The following CD58 variants were observed in gnomAD, a reference collection of about 807,000 sequenced individuals.
CD58 encodes the protein lymphocyte function-associated antigen 3.
Under a neutral mutation model 27.6 loss-of-function variants are expected in CD58, and 14 were observed. The ratio of observed to expected loss-of-function variants is 0.51; its 90% CI spans 0.34 to 0.79. The LOEUF (loss-of-function observed/expected upper bound fraction) is 0.79, where lower values mean the gene tolerates loss of function less well. Among genes scored for constraint, CD58 ranks in the 30% least tolerant of loss-of-function variants. The pLI, the probability that CD58 is intolerant of heterozygous loss-of-function variation, is 0.02. For missense variants in CD58, 268 were observed against 301.7 expected (o/e 0.89, Z 0.83); for synonymous variants, 117 against 103.8 (o/e 1.13, Z -0.77).
At chr1:116,542,600 G>T (rs1459770010) in intron 2 of CD58, among the ~76,000 whole-genome samples, 2 of 152,222 alleles carry the variant, frequency 1.3e-5, no homozygotes, top group East Asian at 1.9e-4. Flanking sequence ...GGGATCATGA[G>T]AAAGTTTTAA....
rs1043244466 is a variant in CD58 at position 116,563,692 on chromosome 1, T to C, written c.70+7211A>G. Reference sequence around the variant, plus strand: ...GTGGTATGTTGGCCCCTTTTAGCCATGGCTGGAGCTAAAACAGCTGGCATG... The same window carrying C: ...GTGGTATGTTGGCCCCTTTTAGCCACGGCTGGAGCTAAAACAGCTGGCATG... On this transcript the variant is annotated intron_variant, in intron 1 of 5. Transcript: ENST00000369489. The surrounding 1 kb of genome is among the most constrained non-coding windows in gnomAD (Gnocchi z 4.1). 2.6e-5 allele frequency among the ~76,000 whole-genome samples: 4 copies of C among 152,194 alleles called. No individual in the cohort carries two copies. The highest frequency in any genetic ancestry group is 4.8e-5 in the African/African-American group (2 of 41,464).
At chr1:116,549,402 C>A (rs1387924958) in intron 1 of CD58, among the ~76,000 whole-genome samples, 1 of 152,112 alleles carries the variant, frequency 6.6e-6, no homozygotes, top group Admixed American at 6.5e-5. Flanking sequence ...ATTAAGAGAA[C>A]AATTATGCAG....
At chr1:116,568,759 C>A (rs958070141) in intron 1 of CD58, among the ~76,000 whole-genome samples, 2 of 152,172 alleles carry the variant, frequency 1.3e-5, no homozygotes, top group African/African-American at 4.8e-5. Flanking sequence ...GTACTCTCTT[C>A]AAAAGTGAAG....
chr1:116,552,201 A>C lies in CD58; in HGVS notation c.71-7597T>G, dbSNP rs1658414494. On this transcript the variant is annotated intron_variant, in intron 1 of 5. Coordinates refer to ENST00000369489, the MANE Select transcript of CD58 (RefSeq NM_001779.3). The surrounding 1 kb of genome is among the most constrained non-coding windows in gnomAD (Gnocchi z 4.5). The stretch of plus-strand genomic sequence containing the variant: ...TTTCAGTATCATTGTCTCAGGTGAC[A>C]AGGGAGGCCAGGAGAAGGAGAAAGA... Among the ~76,000 whole-genome samples the C allele has an allele frequency of 6.6e-6, 1 of 152,214 alleles. No homozygotes were observed. The highest frequency in any genetic ancestry group is 2.4e-5 in the African/African-American group (1 of 41,452).
At position 116,527,687 on chromosome 1, in the gene CD58, T is replaced by A. The variant is rs1452131097; in HGVS notation, c.629-5704A>T. ...TAGCACAAGAATAATGCTGGCCTCA[T>A]AAAATGAATTGGAAAGTATGCCCTC... On this transcript the variant is annotated intron_variant, in intron 3 of 5. Transcript: ENST00000369489. The surrounding 1 kb of genome is among the most constrained non-coding windows in gnomAD (Gnocchi z 4.4). Among the ~76,000 whole-genome samples the A allele has an allele frequency of 6.6e-6, 1 of 152,262 alleles. No homozygotes were observed. The highest frequency in any genetic ancestry group is 1.5e-5 in the Non-Finnish European group (1 of 68,052).
chr1:116,571,017 C>T lies in CD58; in HGVS notation c.-45G>A, dbSNP rs1295651515. ...TGCGCGAGTGCCCAGCCACAAGCAG[C>T]CCTAAGTTCAAGCACCGCCTACGCG... On this transcript the variant is annotated 5_prime_UTR_variant, in exon 1 of 6. Transcript: ENST00000369489. 5 of 1,495,914 alleles carry T rather than the reference C, an allele frequency of 3.3e-6. No individual in the cohort carries two copies. The highest frequency in any genetic ancestry group is 4.5e-6 in the Non-Finnish European group (5 of 1,117,302). 92.7% of individuals were successfully genotyped at this position (1,495,914 alleles called of 1,614,324 possible).
rs1054487033 is a variant in CD58, at chr1:116,524,321, C to T, written c.629-2338G>A. On this transcript the variant is annotated intron_variant, in intron 3 of 5. Transcript: ENST00000369489. The surrounding 1 kb of genome is among the most constrained non-coding windows in gnomAD (Gnocchi z 4.6). ...GTGCTGAAACTGGGAAGTCTGGGCACACCAGGTAACACTGGTCACTCAAAT... is the reference window on the plus strand; with the variant it reads ...GTGCTGAAACTGGGAAGTCTGGGCATACCAGGTAACACTGGTCACTCAAAT... 6.6e-6 allele frequency among the ~76,000 whole-genome samples: 1 copy of T among 152,156 alleles called. No individual in the cohort carries two copies. Among genetic ancestry groups the T allele is most frequent in the South Asian group, 2.1e-4 (1 of 4,832 alleles).
At chr1:116,537,529 A>C (rs1380810839) in intron 2 of CD58, among the ~76,000 whole-genome samples, 2 of 152,214 alleles carry the variant, frequency 1.3e-5, no homozygotes, top group Non-Finnish European at 1.5e-5. Context: ...GGACCTGTTA[A>C]TAGGCAGTGC....
intron 1 of CD58, among the ~76,000 whole-genome samples, chr1:116,553,488 GGGT>G (rs1658458996): frequency 1.3e-5 from 2 of 152,254 alleles, no homozygotes; most frequent in East Asian, 3.9e-4. Context: ...ACAGCATATG[GGGT>G]AAAGGAGGAG....
At position 116,559,220 on chromosome 1, in the gene CD58, G is replaced by C. The variant is rs1316175976; in HGVS notation, c.70+11683C>G. On this transcript the variant is annotated intron_variant, in intron 1 of 5. Transcript: ENST00000369489. The surrounding 1 kb of genome is among the most constrained non-coding windows in gnomAD (Gnocchi z 4.4). ...CAGGGGAGCGAGCCTAAGAACATCT[G>C]GGGTGAGAGTGAGAAAGGAGTTATT... is the stretch of plus-strand genomic sequence containing the variant. Among the ~76,000 whole-genome samples, 1 of 152,124 alleles carries C rather than the reference G, an allele frequency of 6.6e-6. No homozygotes were observed. The highest frequency in any genetic ancestry group is 1.5e-5 in the Non-Finnish European group (1 of 68,014).
Position 116,515,321 on chromosome 1 carries a change from G to A in CD58, c.744-499C>T, listed in dbSNP as rs1053325623. The stretch of plus-strand genomic sequence containing the variant: ...GCATCCTTGAGCAAGCCCTCAAACC[G>A]AGTCCATTTCCCGGCCTCCTCCCCC... On this transcript the variant is annotated intron_variant, in intron 5 of 5. Transcript: ENST00000369489. This position sits in a 1 kb window ranked among gnomAD's most constrained non-coding sequence, Gnocchi z 4.6. Among the ~76,000 whole-genome samples the A allele has an allele frequency of 2.0e-5, 3 of 152,140 alleles. No individual in the cohort carries two copies. The highest frequency in any genetic ancestry group is 1.3e-4 in the Admixed American group (2 of 15,286).
chr1:116,565,840 C>G (rs1658912103), intron 1 of CD58, among the ~76,000 whole-genome samples: 1 of 151,844 alleles, frequency 6.6e-6, no homozygotes, highest in Non-Finnish European at 1.5e-5. Context: ...CCTGCCTCAG[C>G]CTCCTAGGTA....
intron 2 of CD58, among the ~76,000 whole-genome samples, chr1:116,537,156 C>T (rs79148631): frequency 4.6e-4 from 70 of 152,278 alleles, no homozygotes; most frequent in African/African-American, 1.6e-3. Flanking sequence ...CTTGCAACTG[C>T]TTGAACCAAG....
intron 3 of CD58, chr1:116,533,484 C>T (rs1018675171): frequency 2.7e-6 from 2 of 739,250 alleles, no homozygotes; most frequent in South Asian, 2.7e-5. Flanking sequence ...ATATGAAAGA[C>T]ATAGGCTGTC....
rs1023053938 is a variant in CD58, at chr1:116,538,592, C to T, written c.365-2364G>A. 2.0e-5 allele frequency among the ~76,000 whole-genome samples: 3 copies of T among 152,174 alleles called. No individual in the cohort carries two copies. Among genetic ancestry groups the T allele is most frequent in the African/African-American group, 4.8e-5 (2 of 41,430 alleles). On this transcript the variant is annotated intron_variant, in intron 2 of 5. Transcript: ENST00000369489. The surrounding 1 kb of genome is among the most constrained non-coding windows in gnomAD (Gnocchi z 4.7). Reference sequence around the variant, plus strand: ...AAAAATACAGATTCCTGAGCCCCACCATCCCAGGTGCTTCTGATGTATGTG... The same window carrying T: ...AAAAATACAGATTCCTGAGCCCCACTATCCCAGGTGCTTCTGATGTATGTG...
chr1:116,514,867 C>A (rs1401458565), intron 5 of CD58, 45 bp from the exon 6 acceptor site: 7 of 1,462,482 alleles, frequency 4.8e-6, no homozygotes. Flanking sequence ...TGCAGTAAAT[C>A]TGGGCTGCAG....
At position 116,534,026 on chromosome 1, in the gene CD58, T is replaced by C. The variant is rs986459067; in HGVS notation, c.628+1939A>G. On this transcript the variant is annotated intron_variant, in intron 3 of 5. Coordinates refer to ENST00000369489, the MANE Select transcript of CD58 (RefSeq NM_001779.3). This position sits in a 1 kb window ranked among gnomAD's most constrained non-coding sequence, Gnocchi z 5.3. ...ACCTGATCCGTGAGCTTTTCCGTCT[T>C]ACTTGCATTTTTAGCAGCTTCCACG... 8.0e-6 allele frequency: 10 copies of C among 1,243,512 alleles called. No individual in the cohort carries two copies. The highest frequency in any genetic ancestry group is 1.2e-5 in the Non-Finnish European group (10 of 847,854). 77.0% of individuals were successfully genotyped at this position (1,243,512 alleles called of 1,614,324 possible).
chr1:116,564,433 C>T (rs1245734188), intron 1 of CD58, among the ~76,000 whole-genome samples: 4 of 152,180 alleles, frequency 2.6e-5, no homozygotes, highest in African/African-American at 9.7e-5. Flanking sequence ...GCCCCACTAC[C>T]CAGTACCAAT....
At chr1:116,530,648 T>C (rs1657573812) in intron 3 of CD58, among the ~76,000 whole-genome samples, 2 of 152,154 alleles carry the variant, frequency 1.3e-5, no homozygotes. Flanking sequence ...GCTTCACTGA[T>C]AAAGCATTGG....
Sources: allele counts gnomAD v4.1 joint callset (sites outside exome capture counted in the v4.1 genomes callset), GRCh38; gene constraint gnomAD v4.1.1; non-coding constraint Gnocchi (gnomAD v3.1); transcripts MANE v1.5; gene names NCBI Gene and HGNC (gene_info 2026-07-23, HGNC 2026-07-21).